The following RPAP1 variants were observed in gnomAD, a reference collection of about 807,000 sequenced individuals.
The protein encoded by RPAP1 is RNA polymerase II associated protein 1.
In RPAP1, 109 loss-of-function variants were observed where a neutral mutation model predicts 142.4. That is an observed-to-expected ratio of 0.77 (90% CI 0.66 to 0.90). The LOEUF is 0.90. RPAP1 is among the 40% of genes least tolerant of loss of function. RPAP1 has a pLI of 0.00. For synonymous variants in RPAP1, 704 were observed against 738.9 expected (o/e 0.95, Z 0.77); for missense variants, 1,546 against 1,751.7 (o/e 0.88, Z 2.10).
At chr15:41,519,623 C>G (rs1239380919) in intron 22 of RPAP1, 1 of 152,128 alleles carries the variant, frequency 6.6e-6, no homozygotes, top group African/African-American at 2.4e-5. Flanking sequence ...AATCTCTCCT[C>G]CCTCCTTCTG....
intron 7 of RPAP1, among the ~76,000 whole-genome samples, chr15:41,530,476 T>A (rs1481641883): frequency 6.6e-6 from 1 of 152,206 alleles, no homozygotes; most frequent in Non-Finnish European, 1.5e-5. Context: ...GGCCTGGAGC[T>A]CCTCCGGGGG....
chr15:41,532,612 A>G (rs1183689027), intron 6 of RPAP1, among the ~76,000 whole-genome samples: 1 of 152,204 alleles, frequency 6.6e-6, no homozygotes, highest in African/African-American at 2.4e-5. Flanking sequence ...ATACTAGAGT[A>G]TAGCTATAAT....
intron 5 of RPAP1, 111 bp from the exon 6 acceptor site, chr15:41,535,046 C>T (rs1163322517): frequency 2.0e-6 from 2 of 984,650 alleles, no homozygotes; most frequent in Non-Finnish European, 2.9e-6. Context: ...TAGACCCAAA[C>T]TTTCCTCAGA....
chr15:41,542,048 C>T (rs2051976963), intron 1 of RPAP1, among the ~76,000 whole-genome samples: 1 of 152,130 alleles, frequency 6.6e-6, no homozygotes, highest in South Asian at 2.1e-4. Flanking sequence ...TGAGAGTTTA[C>T]TCTGGGCTGA....
In RPAP1 at chr15:41,525,787, C is replaced by T. The variant is rs552557266; in HGVS notation, c.1918-639G>A. Among the ~76,000 whole-genome samples, 21 of 151,708 alleles carry T rather than the reference C, an allele frequency of 1.4e-4. No individual in the cohort carries two copies. The South Asian group carries it at 3.8e-3, about 27-fold the overall frequency. ...TCTCTGCCTCAGCCTCTGGAGTAGCCGGGATTACAGGCGCATGCCACCACG... is the reference window on the plus strand; with the variant it reads ...TCTCTGCCTCAGCCTCTGGAGTAGCTGGGATTACAGGCGCATGCCACCACG... On this transcript the variant is annotated intron_variant, in intron 14 of 24. Coordinates refer to ENST00000304330, the MANE Select transcript of RPAP1 (RefSeq NM_015540.4).
chr15:41,518,241 G>T (rs932959), intron 22 of RPAP1, 59 bp from the exon 23 acceptor site: 12 of 1,427,066 alleles, frequency 8.4e-6, no homozygotes, highest in Middle Eastern at 2.1e-4. Context: ...ACATACATAA[G>T]GTGTGTGGAT....
intron 22 of RPAP1, 56 bp downstream of exon 22, chr15:41,520,335 G>GC (rs1489225910): frequency 1.9e-6 from 3 of 1,592,262 alleles, no homozygotes; most frequent in South Asian, 1.1e-5. Flanking sequence ...GCTCAGGACT[G>GC]CCCCCGAGGC....
intron 17 of RPAP1, among the ~76,000 whole-genome samples, 161 bp from the exon 18 acceptor site, chr15:41,523,515 G>A (rs1057425894): frequency 2.0e-5 from 3 of 152,210 alleles, no homozygotes; most frequent in Non-Finnish European, 4.4e-5. Flanking sequence ...CGATGTGTAG[G>A]GGGCATAAAG....
chr15:41,533,003 A>G (rs1012655781), intron 6 of RPAP1, among the ~76,000 whole-genome samples: 2 of 36,962 alleles, frequency 5.4e-5, no homozygotes, highest in Non-Finnish European at 9.8e-5. Flanking sequence ...AAAAAAAAAA[A>G]GCAGGGCATA....
In RPAP1 at chr15:41,517,234, G is replaced by A; in HGVS notation, c.*308C>T. On this transcript the variant is annotated 3_prime_UTR_variant, in exon 25 of 25. Transcript: ENST00000304330. ...ACAACTATAGCATTCATATGCCTCA[G>A]CCCAGGGCAGGGGTTGGGAGTTAGG... 3.9e-6 allele frequency: 1 copy of A among 253,346 alleles called. No homozygotes were observed. Among genetic ancestry groups the A allele is most frequent in the Non-Finnish European group, 7.5e-6 (1 of 133,018 alleles). The allele number at this position is 253,346 out of a possible 1,614,324, so 15.7% of individuals were successfully genotyped here.
At chr15:41,537,362 C>A (rs2051922785) in intron 1 of RPAP1, among the ~76,000 whole-genome samples, 161 bp from the exon 2 acceptor site, 2 of 152,164 alleles carry the variant, frequency 1.3e-5, no homozygotes, top group Non-Finnish European at 2.9e-5. Context: ...CTGATGTCAT[C>A]AGCCTAGCAA....
Position 41,530,587 on chromosome 15 carries a change from T to G in RPAP1, c.943+436A>C, listed in dbSNP as rs542735305. On this transcript the variant is annotated intron_variant, in intron 7 of 24. Coordinates refer to ENST00000304330, the MANE Select transcript of RPAP1 (RefSeq NM_015540.4). ...TGAGTGCTTCCACTGGCCTCTCTGC[T>G]TCTGGTCTGGCATGTTCATAAGATC... 7.2e-5 allele frequency among the ~76,000 whole-genome samples: 11 copies of G among 152,360 alleles called. No homozygotes were observed. The East Asian group carries it at 2.1e-3, about 29-fold the overall frequency.
chr15:41,520,757 G>A lies in RPAP1; in HGVS notation c.3429C>T (p.Arg1143=), dbSNP rs766894150. 1.2e-6 allele frequency: 2 copies of A among 1,613,728 alleles called. No homozygotes were observed. The highest frequency in any genetic ancestry group is 2.2e-5 in the South Asian group (2 of 91,068). Residue 1143 remains arginine, a synonymous_variant, in exon 22 of 25, where the codon CGC becomes CGT. Transcript: ENST00000304330. ...GGGGCACAGCCCAGAGAGCCTGGGG[G>A]CGCCAGCTCTCCAAAACTAGCACCC... ...LQWVLVLESW[R]PQALWAVPPA... is the part of the protein sequence containing the mutation.
At chr15:41,532,322 A>C (rs1354551016) in intron 6 of RPAP1, among the ~76,000 whole-genome samples, 1 of 151,910 alleles carries the variant, frequency 6.6e-6, no homozygotes, top group African/African-American at 2.4e-5. Context: ...ACCTGGCTGT[A>C]ATTTTTTATA....
chr15:41,529,803 G>A (rs1333100463), intron 8 of RPAP1, 61 bp downstream of exon 8: 5 of 1,246,692 alleles, frequency 4.0e-6, no homozygotes, highest in African/African-American at 1.5e-5. Context: ...GAGGGCAAGA[G>A]CAGCAGCTCC....
intron 6 of RPAP1, 88 bp from the exon 7 acceptor site, chr15:41,531,290 T>C: frequency 7.5e-7 from 1 of 1,327,986 alleles, no homozygotes; most frequent in African/African-American, 1.5e-5. Flanking sequence ...ATCGCCTGTC[T>C]GTGGGTGCCA....
intron 2 of RPAP1, 67 bp from the exon 3 acceptor site, chr15:41,536,716 GAAGA>G (rs1227053236): frequency 1.4e-5 from 22 of 1,562,132 alleles, no homozygotes; most frequent in Non-Finnish European, 1.9e-5. Flanking sequence ...GCAGGCTAGG[GAAGA>G]AAGACAGCTG....
chr15:41,521,140 T>C lies in RPAP1; in HGVS notation c.3046A>G (p.Thr1016Ala). Reference sequence around the variant, plus strand: ...TCGGCTGCCTCTGGACCCCCTGATGTTCTTTCCCTGTAATGGGACCCAAAA... The same window carrying C: ...TCGGCTGCCTCTGGACCCCCTGATGCTCTTTCCCTGTAATGGGACCCAAAA... Reference protein sequence around the residue: ...VFRLEFLPERTSGGPEAADFS... With the variant: ...VFRLEFLPERASGGPEAADFS... Residue 1016 changes from threonine to alanine, a missense_variant, in exon 22 of 25, where the codon ACA (threonine) becomes GCA (alanine). This residue lies in a region of RPAP1 where 1,333 missense variants were observed against 1,486.6 expected (regional missense o/e 0.90). Coordinates refer to ENST00000304330, the MANE Select transcript of RPAP1 (RefSeq NM_015540.4). 6.6e-7 allele frequency: 1 copy of C among 1,510,950 alleles called. No homozygotes were observed. Among genetic ancestry groups the C allele is most frequent in the Non-Finnish European group, 8.8e-7 (1 of 1,130,550 alleles). The allele number at this position is 1,510,950 out of a possible 1,614,324, so 93.6% of individuals were successfully genotyped here.
At chr15:41,536,366 G>A in intron 3 of RPAP1, 135 bp downstream of exon 3, 2 of 1,363,044 alleles carry the variant, frequency 1.5e-6, no homozygotes, top group Admixed American at 1.8e-5. Flanking sequence ...TTCTAACCCA[G>A]CCCCCAACCT....
Sources: gnomAD v4.1 joint callset for allele counts (sites outside exome capture counted in the v4.1 genomes callset) on GRCh38, gnomAD v4.1.1 for gene constraint, gnomAD v4.1.1 regional missense constraint, MANE v1.5 for transcripts, NCBI Gene and HGNC (gene_info 2026-07-23, HGNC 2026-07-21) for gene names.